The following TMPO variants were observed in gnomAD, a reference collection of about 807,000 sequenced individuals.
The protein encoded by TMPO is thymopoietin, also known as LEM domain containing 4.
Under a neutral mutation model 45.4 loss-of-function variants are expected in TMPO, and 22 were observed. The ratio of observed to expected loss-of-function variants is 0.48; its 90% CI spans 0.35 to 0.69. The LOEUF (loss-of-function observed/expected upper bound fraction) is 0.69. Ranked by LOEUF, TMPO falls within the 30% of genes least tolerant of loss-of-function variation. TMPO has a pLI of 0.01. For synonymous variants in TMPO, 241 were observed against 204.1 expected, an observed-to-expected ratio of 1.18 and a Z score of -1.54; for missense variants, 512 against 548.8, an observed-to-expected ratio of 0.93 and a Z score of 0.67.
chr12:98,529,756 A>G (rs1364161183), intron 2 of TMPO, among the ~76,000 whole-genome samples: 2 of 151,988 alleles, frequency 1.3e-5, no homozygotes, highest in Admixed American at 6.6e-5. Context: ...ATGGGGGCAC[A>G]CTATATTGCC....
At chr12:98,541,191 G>A (rs141044636) in intron 4 of TMPO, among the ~76,000 whole-genome samples, 89 of 152,098 alleles carry the variant, frequency 5.9e-4, no homozygotes, top group Admixed American at 1.1e-3. Context: ...TACTTCCTGC[G>A]TCATGCCTGG....
At chr12:98,519,645 T>TCCAGGTTTTA (rs1231069422) in intron 1 of TMPO, among the ~76,000 whole-genome samples, 1 of 152,226 alleles carries the variant, frequency 6.6e-6, no homozygotes, top group East Asian at 1.9e-4. Flanking sequence ...TATTTAAAAC[T>TCCAGGTTTTA]CAAGAGGTGT....
At chr12:98,516,234 C>CGCCCCCTCGGGCCTCCCAGGT in intron 1 of TMPO, 88 bp downstream of exon 1, 1 of 1,305,084 alleles carries the variant, frequency 7.7e-7, no homozygotes, top group Non-Finnish European at 9.7e-7. Flanking sequence ...CCCTCCCGGG[C>CGCCCCCTCGGGCCTCCCAGGT]GCCCCCTCGG....
chr12:98,530,822 G>C (rs1185150128), intron 2 of TMPO, among the ~76,000 whole-genome samples: 1 of 152,230 alleles, frequency 6.6e-6, no homozygotes, highest in Non-Finnish European at 1.5e-5. Flanking sequence ...TTACGTAGTA[G>C]TAGAGAAAAT....
At chr12:98,543,157 TA>T (rs912703390) in intron 4 of TMPO, among the ~76,000 whole-genome samples, 31 of 150,380 alleles carry the variant, frequency 2.1e-4, no homozygotes, top group Middle Eastern at 3.4e-3. Flanking sequence ...GATTAAAGTT[TA>T]AAAAAAAAAT....
intron 1 of TMPO, among the ~76,000 whole-genome samples, chr12:98,518,195 C>T (rs1876038692): frequency 6.6e-6 from 1 of 150,942 alleles, no homozygotes; most frequent in Admixed American, 6.6e-5. Context: ...TAAATCAGCA[C>T]ACTTTATAAA....
intron 1 of TMPO, 75 bp from the exon 2 acceptor site, chr12:98,527,811 T>C: frequency 1.9e-6 from 3 of 1,567,004 alleles, no homozygotes; most frequent in African/African-American, 1.4e-5. Flanking sequence ...TTTGCATGTT[T>C]ATGTTATACA....
At chr12:98,521,875 G>A (rs1057178337) in intron 1 of TMPO, among the ~76,000 whole-genome samples, 31 of 152,198 alleles carry the variant, frequency 2.0e-4, no homozygotes, top group Admixed American at 1.6e-3. Flanking sequence ...GATTACAAGC[G>A]TGCACCACCA....
At position 98,548,140 on chromosome 12, in the gene TMPO, T is replaced by C; in HGVS notation, c.*282T>C. The C allele has an allele frequency of 3.3e-6, 1 of 302,872 alleles. No homozygotes were observed. Among genetic ancestry groups the C allele is most frequent in the South Asian group, 5.1e-5 (1 of 19,672 alleles). The allele number at this position is 302,872 out of a possible 1,614,324, so 18.8% of individuals were successfully genotyped here. ...TTTTTAATGTGGGCATCTTATTTCA[T>C]TTTTGAAAAAATGTATATGTTTTTT... On this transcript the variant is annotated 3_prime_UTR_variant, in exon 9 of 9. Transcript: ENST00000556029.
intron 1 of TMPO, among the ~76,000 whole-genome samples, chr12:98,522,002 T>A (rs1450787913): frequency 6.6e-6 from 1 of 152,106 alleles, no homozygotes; most frequent in Non-Finnish European, 1.5e-5. Context: ...AGTACTGGGA[T>A]TACAGGCGTG....
chr12:98,516,792 A>T (rs1875873533), intron 1 of TMPO, among the ~76,000 whole-genome samples: 1 of 152,134 alleles, frequency 6.6e-6, no homozygotes. Context: ...TTAGGCGCCT[A>T]TTATAATTTT....
chr12:98,548,056 A>G lies in TMPO; in HGVS notation c.*198A>G. ...TTTTTGAACTTTGGACTAGTAGGAGATCACTTTGTGCCATATGAATAATCT... is the reference window on the plus strand; with the variant it reads ...TTTTTGAACTTTGGACTAGTAGGAGGTCACTTTGTGCCATATGAATAATCT... On this transcript the variant is annotated 3_prime_UTR_variant, in exon 9 of 9. Coordinates refer to ENST00000556029, the MANE Select transcript of TMPO (RefSeq NM_001032283.3). The G allele has an allele frequency of 3.4e-6, 2 of 589,910 alleles. No individual in the cohort carries two copies. Among genetic ancestry groups the G allele is most frequent in the Non-Finnish European group, 2.8e-6 (1 of 352,594 alleles). 36.5% of individuals were successfully genotyped at this position (589,910 alleles called of 1,614,324 possible). A position where few individuals can be genotyped will look rare whatever the true frequency, so the allele number is the denominator to read the frequency against.
Position 98,533,693 on chromosome 12 carries a change from A to C in TMPO, c.565+1855A>C. The C allele has an allele frequency of 6.2e-7, 1 of 1,614,212 alleles. No individual in the cohort carries two copies. Among genetic ancestry groups the C allele is most frequent in the Non-Finnish European group, 8.5e-7 (1 of 1,180,038 alleles). Reference sequence around the variant, plus strand: ...ACCTTAGGTCTAGAAGTGGCTAAGCAATCACAGCATGATAAAATAGATGCC... The same window carrying C: ...ACCTTAGGTCTAGAAGTGGCTAAGCCATCACAGCATGATAAAATAGATGCC... On this transcript the variant is annotated intron_variant, in intron 3 of 8. Transcript: ENST00000556029.
intron 3 of TMPO, chr12:98,532,887 A>AACT (rs1285701818): frequency 6.2e-7 from 1 of 1,614,166 alleles, no homozygotes; most frequent in Admixed American, 1.7e-5. Flanking sequence ...CTGAACTTGG[A>AACT]ACTACTCCCT....
At chr12:98,546,859 A>G (rs1186070194) in intron 8 of TMPO, among the ~76,000 whole-genome samples, 3 of 152,182 alleles carry the variant, frequency 2.0e-5, no homozygotes, top group African/African-American at 7.2e-5. Flanking sequence ...CTAAACGAAA[A>G]TCTAGTGAGA....
chr12:98,515,992 T>G lies in TMPO; in HGVS notation c.125T>G (p.Leu42Arg). Residue 42 changes from leucine to arginine, a missense_variant, in exon 1 of 9, where the codon CTG (leucine) becomes CGG (arginine). Leu to Arg is a moderately radical substitution (Grantham distance 102). Transcript: ENST00000556029. ...AAAGACGTGTACGTCCAGCTCTACC[T>G]GCAGCACCTCACGGCTCGCAACCGG... ...QRKDVYVQLY[L>R]QHLTARNRPP... 6.2e-7 allele frequency: 1 copy of G among 1,612,522 alleles called. No individual in the cohort carries two copies. The highest frequency in any genetic ancestry group is 8.5e-7 in the Non-Finnish European group (1 of 1,179,766).
At chr12:98,544,206 T>C (rs1230603523) in intron 4 of TMPO, 24 bp from the exon 5 acceptor site, 1 of 1,612,936 alleles carries the variant, frequency 6.2e-7, no homozygotes, top group Non-Finnish European at 8.5e-7. Flanking sequence ...AATATGACTT[T>C]TTAATGTGTT....
intron 7 of TMPO, 127 bp from the exon 8 acceptor site, chr12:98,546,232 G>A: frequency 1.4e-6 from 1 of 714,046 alleles, no homozygotes; most frequent in Non-Finnish European, 2.5e-6. Context: ...TTTAGAAATG[G>A]CAGCTGTAAA....
intron 1 of TMPO, among the ~76,000 whole-genome samples, chr12:98,517,728 C>G (rs780331771): frequency 6.0e-4 from 91 of 152,206 alleles, no homozygotes; most frequent in Non-Finnish European, 1.1e-3. Flanking sequence ...CCAATCACAC[C>G]TTATTGTTTA....
Sources: allele counts gnomAD v4.1 joint callset (sites outside exome capture counted in the v4.1 genomes callset), GRCh38; gene constraint gnomAD v4.1.1; transcripts MANE v1.5; gene names NCBI Gene and HGNC (gene_info 2026-07-23, HGNC 2026-07-21).